The following RHOBTB2 variants were observed in gnomAD, a reference collection of about 807,000 sequenced individuals.
The protein encoded by RHOBTB2 is rho-related BTB domain-containing protein 2.
Under a neutral mutation model 66.5 loss-of-function variants are expected in RHOBTB2, and 39 were observed. The ratio of observed to expected loss-of-function variants is 0.59; its 90% confidence interval spans 0.45 to 0.77. The LOEUF (loss-of-function observed/expected upper bound fraction) is 0.77. Ranked by LOEUF, RHOBTB2 falls within the 30% of genes least tolerant of loss-of-function variation. RHOBTB2 has a pLI of 0.00. For synonymous variants in RHOBTB2, 390 were observed against 395.0 expected, an observed-to-expected ratio of 0.99 and a Z score of 0.15; for missense variants, 755 against 999.1, an observed-to-expected ratio of 0.76 and a Z score of 3.29.
At chr8:22,956,541 G>C in the RHOBTB2 span, among the ~76,000 whole-genome samples, 3 of 152,090 alleles carry the variant, frequency 2.0e-5, no homozygotes, top group African/African-American at 4.8e-5. Flanking sequence ...TAAGTCTCCA[G>C]AGGCCTCCCC....
Position 23,015,638 on chromosome 8 carries a change from T to G in RHOBTB2, c.1861T>G (p.Phe621Val). Residue 621 changes from phenylalanine to valine, a missense_variant and splice_region_variant, in exon 9 of 10, where the codon TTC becomes GTC. Around this residue, in one of 7 missense-constraint regions of RHOBTB2, gnomAD observed 353 missense variants for 458.2 expected, o/e 0.77. Transcript: ENST00000251822. ...AGACGTTCTTCCCTTCTGTCCCCAG[T>G]TCCACTGTGCGTACCAGCTGGCCGA... ...DVLVFLELAQ[F>V]HCAYQLADWC... The G allele has an allele frequency of 6.2e-7, 1 of 1,609,988 alleles. No homozygotes were observed. Among genetic ancestry groups the G allele is most frequent in the Non-Finnish European group, 8.5e-7 (1 of 1,176,446 alleles).
upstream of RHOBTB2, chr8:22,994,612 G>A (rs1810498808): frequency 1.3e-6 from 2 of 1,551,568 alleles, no homozygotes; most frequent in Middle Eastern, 1.7e-4. Context: ...GGCCCCGATG[G>A]CCCCCAGAAG....
At chr8:23,013,345 C>G (rs1255276829) in intron 7 of RHOBTB2, among the ~76,000 whole-genome samples, 1 of 152,190 alleles carries the variant, frequency 6.6e-6, no homozygotes, top group Non-Finnish European at 1.5e-5. Flanking sequence ...CTCTCACAGA[C>G]CCCTCTCTCC....
rs777385961 is a variant in RHOBTB2, at chr8:23,005,357, C to T, written c.193-15C>T. 8 of 1,602,126 alleles carry T rather than the reference C, an allele frequency of 5.0e-6. No homozygotes were observed. Among genetic ancestry groups the T allele is most frequent in the Non-Finnish European group, 6.0e-6 (7 of 1,169,628 alleles). ...ACTGCTGCCTTCGAGTCCCACTCTT[C>T]CTCCCCGTCCCCAGGTGCTGGAACG... is the stretch of plus-strand genomic sequence containing the variant. On this transcript the variant is annotated splice_polypyrimidine_tract_variant and intron_variant, in intron 2 of 9. Coordinates refer to ENST00000251822, the MANE Select transcript of RHOBTB2 (RefSeq NM_015178.3).
chr8:23,007,133 C>G lies in RHOBTB2; in HGVS notation c.888C>G (p.Phe296Leu), dbSNP rs1810984459. Residue 296 changes from phenylalanine (F) to leucine (L), a missense_variant, in exon 5 of 10, where the codon TTC becomes TTG. By Grantham distance (22) the Phe-to-Leu change is conservative. Coordinates refer to ENST00000251822, the MANE Select transcript of RHOBTB2 (RefSeq NM_015178.3). The stretch of plus-strand genomic sequence containing the variant: ...CTTCCTCCAAGTTCTATGACCTGTT[C>G]CTCATGGACCTGAGTGAGGGGGAGC... ...STSSSKFYDL[F>L]LMDLSEGELG... The G allele has an allele frequency of 6.2e-7, 1 of 1,608,716 alleles. No individual in the cohort carries two copies. Among genetic ancestry groups the G allele is most frequent in the Non-Finnish European group, 8.5e-7 (1 of 1,179,796 alleles).
upstream of RHOBTB2, chr8:22,995,881 C>T (rs766420932): frequency 8.4e-6 from 13 of 1,551,310 alleles, no homozygotes; most frequent in African/African-American, 6.8e-5. Flanking sequence ...CATGAAAGCG[C>T]GGTTAGTAGC....
chr8:22,961,241 C>T, the RHOBTB2 span, among the ~76,000 whole-genome samples: 3 of 152,140 alleles, frequency 2.0e-5, no homozygotes, highest in Non-Finnish European at 4.4e-5. Context: ...GAAACCCTAA[C>T]ACAGGGATAT....
chr8:23,012,770 C>T (rs895867084), intron 7 of RHOBTB2, among the ~76,000 whole-genome samples: 1 of 152,106 alleles, frequency 6.6e-6, no homozygotes, highest in African/African-American at 2.4e-5. Context: ...GGGCCTGCCT[C>T]ATCACACCCA....
At chr8:23,003,790 G>A (rs1417048535) in intron 1 of RHOBTB2, among the ~76,000 whole-genome samples, 1 of 152,228 alleles carries the variant, frequency 6.6e-6, no homozygotes, top group Non-Finnish European at 1.5e-5. Context: ...CCATCCTAGA[G>A]AGGCTGGGAG....
At chr8:22,963,141 A>G in the RHOBTB2 span, among the ~76,000 whole-genome samples, 1 of 152,236 alleles carries the variant, frequency 6.6e-6, no homozygotes, top group African/African-American at 2.4e-5. Flanking sequence ...ACATGATGCC[A>G]GGACAAGATA....
At chr8:22,984,307 G>C (rs1007267364), upstream of RHOBTB2, among the ~76,000 whole-genome samples, 2 of 152,202 alleles carry the variant, frequency 1.3e-5, no homozygotes, top group Admixed American at 6.5e-5. Flanking sequence ...ACAGGGGCTG[G>C]CTCTGTTGGA....
chr8:23,008,128 A>G lies in RHOBTB2; in HGVS notation c.1620+17A>G. On this transcript the variant is annotated intron_variant, in intron 6 of 9. Transcript: ENST00000251822. ...ACCCGGGAGGTAAGGCTGAGGACAC[A>G]AAGGGGGGAAGGAGGGAGTGAGACA... 6.5e-7 allele frequency: 1 copy of G among 1,548,522 alleles called. No individual in the cohort carries two copies.
Position 23,017,637 on chromosome 8 carries a change from C to G in RHOBTB2, c.*168C>G. On this transcript the variant is annotated 3_prime_UTR_variant, in exon 10 of 10. Transcript: ENST00000251822. The surrounding 1 kb of genome is among the most constrained non-coding windows in gnomAD (Gnocchi z 5.3). ...CCACCGTGGCTCAGCCAGAGAGGAG[C>G]TGAGCCCTGTGGAGCAGAACGGGAA... 1 of 1,131,626 alleles carries G rather than the reference C, an allele frequency of 8.8e-7. No homozygotes were observed. The highest frequency in any genetic ancestry group is 1.2e-6 in the Non-Finnish European group (1 of 814,988). 70.1% of individuals were successfully genotyped at this position (1,131,626 alleles called of 1,614,324 possible). A position where few individuals can be genotyped will look rare whatever the true frequency, so the allele number is the denominator to read the frequency against.
chr8:22,990,135 T>A (rs1810388926), intron 1 of RHOBTB2, among the ~76,000 whole-genome samples: 1 of 152,050 alleles, frequency 6.6e-6, no homozygotes, highest in Non-Finnish European at 1.5e-5. Context: ...ATCCTCACCA[T>A]CTCTTGCACA....
the RHOBTB2 span, among the ~76,000 whole-genome samples, chr8:22,981,319 T>C: frequency 1.3e-5 from 2 of 152,226 alleles, no homozygotes; most frequent in African/African-American, 4.8e-5. Context: ...CAATCATTTT[T>C]AAACCTAGGC....
At chr8:22,978,588 GTTTT>G in the RHOBTB2 span, among the ~76,000 whole-genome samples, 3 of 144,354 alleles carry the variant, frequency 2.1e-5, no homozygotes, top group Non-Finnish European at 4.6e-5. Flanking sequence ...TTTTTTTTTA[GTTTT>G]TTTTATGTTT....
Position 23,006,234 on chromosome 8 carries a change from C to G in RHOBTB2, c.482+89C>G, listed in dbSNP as rs574939617. ...GCCCTGGGGGAATTCCACTGAGCCT[C>G]ATATCTCTCCCTCCATTTGGAGCAA... On this transcript the variant is annotated intron_variant, in intron 4 of 9. Coordinates refer to ENST00000251822, the MANE Select transcript of RHOBTB2 (RefSeq NM_015178.3). The surrounding 1 kb of genome is among the most constrained non-coding windows in gnomAD (Gnocchi z 6.1). The G allele has an allele frequency of 3.6e-6, 4 of 1,114,972 alleles. No individual in the cohort carries two copies. In the East Asian group the frequency reaches 9.5e-5, roughly 26 times the overall value. 69.1% of individuals were successfully genotyped at this position (1,114,972 alleles called of 1,614,324 possible).
chr8:22,997,492 C>T (rs76890917), upstream of RHOBTB2, among the ~76,000 whole-genome samples: 1 of 152,178 alleles, frequency 6.6e-6, no homozygotes, highest in Non-Finnish European at 1.5e-5. Context: ...TTGACACCCA[C>T]ATTTTTGTCC....
the RHOBTB2 span, among the ~76,000 whole-genome samples, chr8:22,962,331 A>T: frequency 6.7e-6 from 1 of 149,860 alleles, no homozygotes; most frequent in African/African-American, 2.4e-5. Context: ...CGAGAAAATT[A>T]TTTCAAATAT....
Sources: gnomAD v4.1 joint callset for allele counts (sites outside exome capture counted in the v4.1 genomes callset) on GRCh38, gnomAD v4.1.1 for gene constraint, gnomAD v4.1.1 regional missense constraint, Gnocchi (gnomAD v3.1) non-coding constraint, MANE v1.5 for transcripts, NCBI Gene and HGNC (gene_info 2026-07-23, HGNC 2026-07-21) for gene names.